PPM1L: variants seen among roughly 807,000 people sequenced by gnomAD.
The protein encoded by PPM1L is protein phosphatase 1L.
Under a neutral mutation model 31.4 loss-of-function variants are expected in PPM1L, and 13 were observed. The observed-to-expected ratio is 0.41, with a 90% CI of 0.27 to 0.66. PPM1L has a LOEUF of 0.66. PPM1L is among the 30% of genes least tolerant of loss of function. The pLI, the probability that PPM1L is intolerant of heterozygous loss-of-function variation, is 0.29. For synonymous variants in PPM1L, 184 were observed against 175.4 expected, an observed-to-expected ratio of 1.05 and a Z score of -0.39; for missense variants, 326 against 453.7, an observed-to-expected ratio of 0.72 and a Z score of 2.56.
At chr3:161,046,667 G>T (rs1396531579) in intron 2 of PPM1L, among the ~76,000 whole-genome samples, 1 of 152,168 alleles carries the variant, frequency 6.6e-6, no homozygotes, top group Non-Finnish European at 1.5e-5. Context: ...TATCCTTGAT[G>T]AACATCAATG....
At chr3:160,962,261 T>C (rs1404598056) in intron 2 of PPM1L, among the ~76,000 whole-genome samples, 2 of 65,802 alleles carry the variant, frequency 3.0e-5, no homozygotes, top group African/African-American at 6.4e-5. Flanking sequence ...GTGTTAATAT[T>C]AGATATTTTC....
At chr3:160,812,040 C>G (rs1712824416) in intron 1 of PPM1L, among the ~76,000 whole-genome samples, 1 of 152,172 alleles carries the variant, frequency 6.6e-6, no homozygotes, top group Admixed American at 6.5e-5. Context: ...TTCTCTAGAG[C>G]TGGCTTCTGC....
chr3:160,931,546 G>T (rs1378401221), intron 1 of PPM1L, among the ~76,000 whole-genome samples: 1 of 152,206 alleles, frequency 6.6e-6, no homozygotes, highest in Non-Finnish European at 1.5e-5. Flanking sequence ...ATTATAAATT[G>T]TGCTAAGTGG....
chr3:160,987,257 A>G (rs186738109), intron 2 of PPM1L, among the ~76,000 whole-genome samples: 2 of 152,306 alleles, frequency 1.3e-5, no homozygotes, highest in Non-Finnish European at 2.9e-5. Flanking sequence ...ATGTTGTATC[A>G]TAAAGTTAAG....
At chr3:160,940,945 G>A (rs1040934827) in intron 1 of PPM1L, among the ~76,000 whole-genome samples, 4 of 152,162 alleles carry the variant, frequency 2.6e-5, no homozygotes, top group Admixed American at 6.5e-5. Flanking sequence ...CAGGAGGGAG[G>A]CTATACCCTT....
Position 160,761,298 on chromosome 3 carries a change from C to T in PPM1L, c.399+4591C>T, listed in dbSNP as rs558497442. ...CCCCTTGCTTGGCCCTCCTGCTTTCCTCTCCATCATTTGCTTTTATTGAAT... is the reference window on the plus strand; with the variant it reads ...CCCCTTGCTTGGCCCTCCTGCTTTCTTCTCCATCATTTGCTTTTATTGAAT... On this transcript the variant is annotated intron_variant, in intron 1 of 3. Transcript: ENST00000498165. Among the ~76,000 whole-genome samples, 3 of 152,284 alleles carry T rather than the reference C, an allele frequency of 2.0e-5. No individual in the cohort carries two copies. In the South Asian group the frequency reaches 6.2e-4, roughly 32 times the overall value.
At chr3:160,858,518 T>C (rs1711794509) in intron 1 of PPM1L, among the ~76,000 whole-genome samples, 2 of 152,322 alleles carry the variant, frequency 1.3e-5, no homozygotes, top group Admixed American at 6.5e-5. Context: ...AAGCAAAAGT[T>C]ATTCACTTCA....
At chr3:161,034,642 T>G (rs931597405) in intron 2 of PPM1L, among the ~76,000 whole-genome samples, 1 of 143,290 alleles carries the variant, frequency 7.0e-6, no homozygotes. Flanking sequence ...AGTCAAACAA[T>G]GAGAACACAT....
At chr3:161,031,599 C>T (rs1340370607) in intron 2 of PPM1L, among the ~76,000 whole-genome samples, 2 of 150,674 alleles carry the variant, frequency 1.3e-5, no homozygotes, top group Non-Finnish European at 2.9e-5. Context: ...CTCCTGGGCT[C>T]AAAGGGTCCT....
chr3:160,774,323 T>C (rs972460732), intron 1 of PPM1L, among the ~76,000 whole-genome samples: 2 of 152,120 alleles, frequency 1.3e-5, no homozygotes, highest in African/African-American at 4.8e-5. Context: ...GCCATAAAGA[T>C]GGTACTGCCA....
intron 1 of PPM1L, among the ~76,000 whole-genome samples, chr3:160,887,279 AAC>A (rs1341442408): frequency 1.3e-5 from 2 of 152,116 alleles, no homozygotes; most frequent in African/African-American, 4.8e-5. Context: ...CAAGGTGGAA[AAC>A]ACACTTCAGG....
intron 1 of PPM1L, among the ~76,000 whole-genome samples, chr3:160,953,240 T>C (rs985926369): frequency 3.9e-5 from 6 of 152,186 alleles, no homozygotes; most frequent in African/African-American, 1.4e-4. Flanking sequence ...TAAGAATTTA[T>C]TGAGTATAGA....
rs6766594 is a variant in PPM1L, at chr3:160,784,268, A to C, written c.399+27561A>C. Among the ~76,000 whole-genome samples, 1,449 of 152,314 alleles carry C rather than the reference A, an allele frequency of 9.5e-3. 23 individuals carry two copies. Among genetic ancestry groups the C allele is most frequent in the African/African-American group, 0.032 (1,336 of 41,572 alleles). On this transcript the variant is annotated intron_variant, in intron 1 of 3. Transcript: ENST00000498165. ...ATATTTAAACCATTTAAAATGGTTT[A>C]ATACTGTTCTAATCTACCATACTGT...
chr3:160,990,650 A>T (rs564371756), intron 2 of PPM1L, among the ~76,000 whole-genome samples: 1 of 152,334 alleles, frequency 6.6e-6, no homozygotes, highest in East Asian at 1.9e-4. Flanking sequence ...GAAGTTCTAA[A>T]CAAAACAAAG....
chr3:160,951,073 T>A (rs1715562677), intron 1 of PPM1L, among the ~76,000 whole-genome samples: 1 of 152,236 alleles, frequency 6.6e-6, no homozygotes, highest in Non-Finnish European at 1.5e-5. Context: ...ATGTGAAACA[T>A]CTTCTTTCTG....
At chr3:160,935,006 C>T (rs1350549160) in intron 1 of PPM1L, among the ~76,000 whole-genome samples, 1 of 152,010 alleles carries the variant, frequency 6.6e-6, no homozygotes, top group Non-Finnish European at 1.5e-5. Context: ...GATGTTTTCT[C>T]TACAATATAA....
chr3:160,911,192 C>T (rs186774345), intron 1 of PPM1L, among the ~76,000 whole-genome samples: 9 of 152,134 alleles, frequency 5.9e-5, no homozygotes, highest in African/African-American at 1.7e-4. Context: ...GGATCTCTTA[C>T]GTTTGGCAGA....
chr3:160,834,935 G>T (rs1713649754), intron 1 of PPM1L, among the ~76,000 whole-genome samples: 1 of 151,700 alleles, frequency 6.6e-6, no homozygotes, highest in Non-Finnish European at 1.5e-5. Context: ...TTTTCCTCTG[G>T]GATAAATGCA....
intron 1 of PPM1L, among the ~76,000 whole-genome samples, chr3:160,760,708 G>T (rs1437742048): frequency 6.6e-6 from 1 of 151,144 alleles, no homozygotes; most frequent in African/African-American, 2.4e-5. Flanking sequence ...CAGGCAAAAG[G>T]TGGTTTTTTT....
Sources: gnomAD v4.1 joint callset for allele counts (sites outside exome capture counted in the v4.1 genomes callset) on GRCh38, gnomAD v4.1.1 for gene constraint, MANE v1.5 for transcripts, NCBI Gene and HGNC (gene_info 2026-07-23, HGNC 2026-07-21) for gene names.